ST7: variants seen among roughly 807,000 people sequenced by gnomAD.
ST7 encodes the protein suppression of tumorigenicity 7.
In ST7, 28 loss-of-function variants were observed where a neutral mutation model predicts 78.7. That is an observed-to-expected ratio of 0.36 (90% CI 0.26 to 0.49). The LOEUF is 0.49. Ranked by LOEUF, ST7 falls within the 20% of genes least tolerant of loss-of-function variation. The pLI is 0.99. For synonymous variants in ST7, 247 were observed against 249.6 expected, an observed-to-expected ratio of 0.99 and a Z score of 0.10; for missense variants, 418 against 696.0, an observed-to-expected ratio of 0.60 and a Z score of 4.49.
At chr7:117,167,014 T>C (rs1251835995) in intron 9 of ST7, among the ~76,000 whole-genome samples, 1 of 151,768 alleles carries the variant, frequency 6.6e-6, no homozygotes, top group African/African-American at 2.4e-5. Flanking sequence ...CATAAGTTAC[T>C]GGCAGCATGG....
intron 1 of ST7, among the ~76,000 whole-genome samples, chr7:116,992,898 A>G (rs898766474): frequency 6.6e-6 from 1 of 152,236 alleles, no homozygotes; most frequent in African/African-American, 2.4e-5. Flanking sequence ...AAGTTCCACA[A>G]ATCTCTTAGG....
At chr7:117,189,288 C>T (rs1191485217) in intron 10 of ST7, 33 bp from the exon 11 acceptor site, 1 of 1,550,748 alleles carries the variant, frequency 6.4e-7, no homozygotes, top group South Asian at 1.2e-5. Flanking sequence ...TACCTGCAAA[C>T]TTATGTGTTC....
chr7:117,117,879 C>T (rs1038962723), intron 2 of ST7: 5 of 152,062 alleles, frequency 3.3e-5, no homozygotes, highest in Non-Finnish European at 5.9e-5. Context: ...TTGAAGAAAC[C>T]GACGTTCAGA....
chr7:116,967,500 C>T, intron 1 of ST7: 1 of 423,512 alleles, frequency 2.4e-6, no homozygotes, highest in South Asian at 1.7e-5. Flanking sequence ...GGTCCAGTCC[C>T]AGTGGACCTT....
intron 10 of ST7, among the ~76,000 whole-genome samples, chr7:117,175,629 A>G: frequency 6.6e-6 from 1 of 152,150 alleles, no homozygotes; most frequent in East Asian, 1.9e-4. Flanking sequence ...TAACATTCCA[A>G]GCCTTGGTTT....
intron 10 of ST7, among the ~76,000 whole-genome samples, chr7:117,175,073 A>G (rs1808254084): frequency 6.6e-6 from 1 of 152,176 alleles, no homozygotes. Flanking sequence ...GAGTGTATCT[A>G]TATTTGCTTG....
intron 1 of ST7, among the ~76,000 whole-genome samples, chr7:117,053,020 A>G (rs957555862): frequency 1.3e-5 from 2 of 152,298 alleles, no homozygotes; most frequent in African/African-American, 4.8e-5. Flanking sequence ...CTTATCAACT[A>G]TTACTCAAAG....
chr7:116,968,182 AT>A (rs1013495299), intron 1 of ST7, among the ~76,000 whole-genome samples: 26 of 151,530 alleles, frequency 1.7e-4, no homozygotes, highest in African/African-American at 2.7e-4. Flanking sequence ...AAGGATTTAA[AT>A]TTTTTTTCTA....
rs950131753 is a variant in ST7, at chr7:117,102,340, C to T, written c.234+2496C>T. Among the ~76,000 whole-genome samples the T allele has an allele frequency of 3.9e-5, 6 of 152,090 alleles. 1 individual carries two copies. Among genetic ancestry groups the T allele is most frequent in the South Asian group, 4.1e-4 (2 of 4,830 alleles). On this transcript the variant is annotated intron_variant, in intron 2 of 15. Transcript: ENST00000323984. ...TTCTACTTAACCTGTTGAGGAACAA[C>T]GTAAATTGTCCAAATGGGAAATAGT...
rs1456608866 is a variant in ST7, at chr7:117,219,418, A to T, written c.1498+242A>T. Among the ~76,000 whole-genome samples the T allele has an allele frequency of 1.3e-5, 2 of 152,230 alleles. No individual in the cohort carries two copies. Among genetic ancestry groups the T allele is most frequent in the Non-Finnish European group, 2.9e-5 (2 of 68,044 alleles). Reference sequence around the variant, plus strand: ...CAAAGGATTGAAATGTAGCTGAAGAAACCCTATGTACTGATTGGCCTGAGC... The same window carrying T: ...CAAAGGATTGAAATGTAGCTGAAGATACCCTATGTACTGATTGGCCTGAGC... On this transcript the variant is annotated intron_variant, in intron 14 of 15. Transcript: ENST00000323984. This position sits in a 1 kb window ranked among gnomAD's most constrained non-coding sequence, Gnocchi z 5.1.
chr7:116,961,429 T>C lies in ST7; in HGVS notation c.151+7738T>C, dbSNP rs1458659976. ...GGCAGTATGGGCATTTTAATGATAT[T>C]GATTCTTCCTATCCGTGAGCATGGG... On this transcript the variant is annotated intron_variant, in intron 1 of 15. Coordinates refer to ENST00000323984, the MANE Select transcript of ST7 (RefSeq NM_001369598.1). Among the ~76,000 whole-genome samples the C allele has an allele frequency of 2.0e-5, 3 of 152,202 alleles. No individual in the cohort carries two copies. The East Asian group carries it at 5.8e-4, about 29-fold the overall frequency.
Position 117,017,677 on chromosome 7 carries a change from C to T in ST7, c.151+63986C>T, listed in dbSNP as rs192391681. ...GGATATCAGATCAGTTTTATTCATCCTTCATTTTTCTTCATTACATTTTCT... is the reference window on the plus strand; with the variant it reads ...GGATATCAGATCAGTTTTATTCATCTTTCATTTTTCTTCATTACATTTTCT... On this transcript the variant is annotated intron_variant, in intron 1 of 15. Transcript: ENST00000323984. 3.4e-4 allele frequency among the ~76,000 whole-genome samples: 52 copies of T among 152,062 alleles called. No homozygotes were observed. The East Asian group carries it at 7.7e-3, about 23-fold the overall frequency.
At chr7:117,055,779 C>A (rs191615618) in intron 1 of ST7, among the ~76,000 whole-genome samples, 1 of 151,998 alleles carries the variant, frequency 6.6e-6, no homozygotes, top group East Asian at 1.9e-4. Context: ...CTTTTTGTTC[C>A]GGCTTAATTA....
chr7:117,115,116 C>A (rs6959779), intron 2 of ST7, among the ~76,000 whole-genome samples: 2 of 151,978 alleles, frequency 1.3e-5, no homozygotes, highest in Non-Finnish European at 2.9e-5. Context: ...TAGGTCCAAA[C>A]CACTTCCTCA....
At chr7:117,065,340 C>T (rs1013279888) in intron 1 of ST7, among the ~76,000 whole-genome samples, 3 of 151,660 alleles carry the variant, frequency 2.0e-5, no homozygotes, top group African/African-American at 7.3e-5. Context: ...TCCCGGGTAG[C>T]TGGGATTACA....
At chr7:117,011,635 A>C (rs900824185) in intron 1 of ST7, among the ~76,000 whole-genome samples, 3 of 152,172 alleles carry the variant, frequency 2.0e-5, no homozygotes, top group Admixed American at 6.5e-5. Context: ...GAAGGGTTAA[A>C]TTGTAGCAGG....
chr7:117,098,744 A>G (rs1231035022), intron 1 of ST7: 2 of 1,293,270 alleles, frequency 1.5e-6, no homozygotes, highest in Non-Finnish European at 2.0e-6. Flanking sequence ...TACTTCTAAA[A>G]CCAGACTGGA....
chr7:117,189,443 T>G (rs1425527233), intron 11 of ST7, 50 bp downstream of exon 11: 1 of 1,451,488 alleles, frequency 6.9e-7, no homozygotes, highest in East Asian at 2.4e-5. Flanking sequence ...GGAATTGAGA[T>G]GTGTTGCCTC....
At chr7:117,071,503 A>G (rs979376994) in intron 1 of ST7, among the ~76,000 whole-genome samples, 1 of 152,202 alleles carries the variant, frequency 6.6e-6, no homozygotes. Context: ...TCCAGCTCAA[A>G]CATGTTTTTA....
Sources: allele counts gnomAD v4.1 joint callset (sites outside exome capture counted in the v4.1 genomes callset), GRCh38; gene constraint gnomAD v4.1.1; non-coding constraint Gnocchi (gnomAD v3.1); transcripts MANE v1.5; gene names NCBI Gene and HGNC (gene_info 2026-07-23, HGNC 2026-07-21).